AIMP2: variants seen among roughly 807,000 people sequenced by gnomAD.
AIMP2 encodes aminoacyl tRNA synthase complex-interacting multifunctional protein 2.
A neutral mutation model predicts 23.4 loss-of-function variants in AIMP2; 20 were observed. The ratio of observed to expected loss-of-function variants is 0.85; its 90% confidence interval spans 0.60 to 1.24. The LOEUF (loss-of-function observed/expected upper bound fraction) is 1.24. Among genes scored for constraint, AIMP2 ranks in the 50% most tolerant of loss-of-function variants. The pLI, the probability that AIMP2 is intolerant of heterozygous loss-of-function variation, is 0.00. For missense variants in AIMP2, 515 were observed against 414.5 expected (o/e 1.24, Z -2.10); for synonymous variants, 210 against 170.4 (o/e 1.23, Z -1.81).
At chr7:6,013,450 G>T (rs997465409) in intron 1 of AIMP2, among the ~76,000 whole-genome samples, 1 of 151,730 alleles carries the variant, frequency 6.6e-6, no homozygotes, top group Non-Finnish European at 1.5e-5. Flanking sequence ...TAGTAGAGAC[G>T]GGGTTTCACC....
intron 1 of AIMP2, among the ~76,000 whole-genome samples, chr7:6,014,250 C>CTTTTTT (rs57008315): frequency 1.4e-3 from 93 of 67,544 alleles, no homozygotes; most frequent in African/African-American, 1.7e-3. Context: ...TTTGTTGAAG[C>CTTTTTT]TTTTTTTTTT....
At chr7:6,018,148 T>TTTTC (rs1787148938) in intron 3 of AIMP2, 103 bp downstream of exon 3, 1 of 113,678 alleles carries the variant, frequency 8.8e-6, no homozygotes, top group East Asian at 6.8e-4. Context: ...TTCTTTTTCT[T>TTTTC]TTTTTTTTTT....
chr7:6,012,765 T>G (rs947930528), intron 1 of AIMP2: 1 of 881,802 alleles, frequency 1.1e-6, no homozygotes, highest in African/African-American at 1.8e-5. Context: ...CATCATGTTG[T>G]CCTCTCGAAC....
chr7:6,020,020 C>CAA (rs35319543), intron 3 of AIMP2, among the ~76,000 whole-genome samples: 17,761 of 80,140 alleles, frequency 0.22, 1,423 homozygotes, highest in African/African-American at 0.26. Flanking sequence ...GACTCCATCT[C>CAA]AAAAAAAAAA....
At chr7:6,014,402 C>T (rs1367613354) in intron 1 of AIMP2, among the ~76,000 whole-genome samples, 1 of 151,408 alleles carries the variant, frequency 6.6e-6, no homozygotes, top group Admixed American at 6.6e-5. Flanking sequence ...GGACTACAGG[C>T]ATGCACTACC....
At chr7:6,017,522 C>CAAAAA (rs58136223) in intron 2 of AIMP2, among the ~76,000 whole-genome samples, 1 of 127,184 alleles carries the variant, frequency 7.9e-6, no homozygotes. Flanking sequence ...GACTCTGTCT[C>CAAAAA]AAAAAAAAAA....
intron 3 of AIMP2, 197 bp from the exon 4 acceptor site, chr7:6,023,106 T>A: frequency 1.6e-6 from 1 of 623,444 alleles, no homozygotes; most frequent in Non-Finnish European, 2.6e-6. Context: ...TGGTTACTTT[T>A]TTAACATAGT....
At chr7:6,012,102 A>C (rs1422764053) in intron 1 of AIMP2, among the ~76,000 whole-genome samples, 2 of 152,068 alleles carry the variant, frequency 1.3e-5, no homozygotes, top group Non-Finnish European at 2.9e-5. Flanking sequence ...AAAGTACAAA[A>C]CTTAGCCAGG....
rs1410082930 is a variant in AIMP2 at position 6,009,442 on chromosome 7, C to T, written c.79C>T (p.Leu27Phe). The T allele has an allele frequency of 3.7e-6, 6 of 1,610,706 alleles. No individual in the cohort carries two copies. The highest frequency in any genetic ancestry group is 2.7e-5 in the African/African-American group (2 of 74,844). Residue 27 changes from leucine to phenylalanine, a missense_variant, in exon 1 of 4, where the codon CTC (leucine) becomes TTC (phenylalanine). Transcript: ENST00000223029. ...GGAGCTTCCCACCTGCATGTACCGG[C>T]TCCCCAACGTGCACGGCAGGAGCTA... ...RVELPTCMYR[L>F]PNVHGRSYGP...
At position 6,023,210 on chromosome 7, in the gene AIMP2, T is replaced by A. The variant is rs566638357; in HGVS notation, c.575-93T>A. ...AACACCCTTTCCCATGTCATCAGTC[T>A]GTGGTGTTTGGTGACTGTCCCCTTC... On this transcript the variant is annotated intron_variant, in intron 3 of 3. Coordinates refer to ENST00000223029, the MANE Select transcript of AIMP2 (RefSeq NM_006303.4). 1.4e-4 allele frequency: 197 copies of A among 1,384,438 alleles called. 1 individual carries two copies. The South Asian group carries it at 2.6e-3, about 18-fold the overall frequency. The allele number at this position is 1,384,438 out of a possible 1,614,324, so 85.8% of individuals were successfully genotyped here. A position where few individuals can be genotyped will look rare whatever the true frequency, so the allele number is the denominator to read the frequency against.
intron 1 of AIMP2, among the ~76,000 whole-genome samples, chr7:6,009,972 A>AT (rs1294560607): frequency 3.4e-4 from 11 of 32,672 alleles, no homozygotes; most frequent in South Asian, 1.5e-3. Context: ...AAAAAAAAAA[A>AT]AAATATATAT....
In AIMP2 at chr7:6,009,450, C is replaced by G. The variant is rs780037791; in HGVS notation, c.87C>G (p.Asn29Lys). Residue 29 changes from asparagine (N) to lysine (K), a missense_variant, in exon 1 of 4, where the codon AAC becomes AAG. Transcript: ENST00000223029. ...ELPTCMYRLPNVHGRSYGPAP... is the reference protein window; with the variant it reads ...ELPTCMYRLPKVHGRSYGPAP... ...CCACCTGCATGTACCGGCTCCCCAA[C>G]GTGCACGGCAGGAGCTACGGCCCAG... 3.1e-6 allele frequency: 5 copies of G among 1,610,366 alleles called. No homozygotes were observed. The Admixed American group carries it at 5.0e-5, about 16-fold the overall frequency.
chr7:6,019,484 CAA>C (rs71008351), intron 3 of AIMP2, among the ~76,000 whole-genome samples: 25,941 of 112,010 alleles, frequency 0.23, 2,694 homozygotes, highest in African/African-American at 0.33. Flanking sequence ...GACTCCGTCT[CAA>C]AAAAAAAAAA....
intron 2 of AIMP2, among the ~76,000 whole-genome samples, 169 bp from the exon 3 acceptor site, chr7:6,017,645 G>A (rs1423151387): frequency 6.6e-6 from 1 of 152,162 alleles, no homozygotes; most frequent in African/African-American, 2.4e-5. Context: ...CGTCCTGAGC[G>A]AGTGACCTTG....
At chr7:6,012,674 C>T (rs749640818) in intron 1 of AIMP2, 1 of 390,088 alleles carries the variant, frequency 2.6e-6, no homozygotes, top group Non-Finnish European at 5.1e-6. Flanking sequence ...TTTCTCCTGC[C>T]TTAGCCTCTC....
intron 1 of AIMP2, among the ~76,000 whole-genome samples, 171 bp downstream of exon 1, chr7:6,009,669 G>C (rs1786411022): frequency 6.6e-6 from 1 of 151,960 alleles, no homozygotes; most frequent in Admixed American, 6.6e-5. Flanking sequence ...GATTTATCCA[G>C]GCCGGGCGCC....
At chr7:6,010,441 G>T (rs1229679651) in intron 1 of AIMP2, among the ~76,000 whole-genome samples, 2 of 82,156 alleles carry the variant, frequency 2.4e-5, no homozygotes, top group South Asian at 5.6e-4. Context: ...ATATAGTCTG[G>T]TTTTTTGTTT....
chr7:6,016,581 G>A (rs867240163), intron 2 of AIMP2, among the ~76,000 whole-genome samples: 2 of 152,138 alleles, frequency 1.3e-5, no homozygotes, highest in Non-Finnish European at 2.9e-5. Flanking sequence ...GAGCATGCGC[G>A]GCTGAAATGA....
chr7:6,020,721 C>T (rs894332727), intron 3 of AIMP2, among the ~76,000 whole-genome samples: 1 of 152,172 alleles, frequency 6.6e-6, no homozygotes, highest in African/African-American at 2.4e-5. Context: ...GATGGGATAC[C>T]TGTGTCAACA....
Sources: allele counts gnomAD v4.1 joint callset (sites outside exome capture counted in the v4.1 genomes callset), GRCh38; gene constraint gnomAD v4.1.1; transcripts MANE v1.5; gene names NCBI Gene and HGNC (gene_info 2026-07-23, HGNC 2026-07-21).